The following CD27 variants were observed in gnomAD, a reference collection of about 807,000 sequenced individuals.
The protein encoded by CD27 is CD27 molecule.
CD27 carries 16 observed loss-of-function variants against 25.9 expected under a neutral mutation model. The ratio of observed to expected loss-of-function variants is 0.62; its 90% CI spans 0.42 to 0.94. The LOEUF is 0.94. CD27 is among the 40% of genes least tolerant of loss of function. The pLI is 0.00. For missense variants in CD27, 300 were observed against 333.2 expected, an observed-to-expected ratio of 0.90 and a Z score of 0.78; for synonymous variants, 142 against 124.3, an observed-to-expected ratio of 1.14 and a Z score of -0.95.
rs1949403569 is a variant in CD27, at chr12:6,445,566, C to CAAGGGTGTGTAGGTGGGGACGATGGA, written c.268+12_268+37dup. The CAAGGGTGTGTAGGTGGGGACGATGGA allele has an allele frequency of 6.2e-7, 1 of 1,612,266 alleles. No homozygotes were observed. The highest frequency in any genetic ancestry group is 1.3e-5 in the African/African-American group (1 of 74,904). On this transcript the variant is annotated intron_variant, in intron 2 of 5. Coordinates refer to ENST00000266557, the MANE Select transcript of CD27 (RefSeq NM_001242.5). The surrounding 1 kb of genome is among the most constrained non-coding windows in gnomAD (Gnocchi z 4.5). The stretch of plus-strand genomic sequence containing the variant: ...GGCACTGTAACTCTGGTGAGGTGGG[C>CAAGGGTGTGTAGGTGGGGACGATGGA]AAGGGTGTGTAGGTGGGGACGATGG...
rs1949548692 is a variant in CD27, at chr12:6,451,550, C to T, written c.*158C>T. The T allele has an allele frequency of 1.5e-5, 11 of 744,918 alleles. No individual in the cohort carries two copies. In the East Asian group the frequency reaches 2.8e-4, roughly 19 times the overall value. The allele number at this position is 744,918 out of a possible 1,614,324, so 46.1% of individuals were successfully genotyped here. ...TGACAGAGTGCCTTTTCGAGACTGG[C>T]AGGGACGAGGACAAATATGGATGAG... On this transcript the variant is annotated 3_prime_UTR_variant, in exon 6 of 6. Transcript: ENST00000266557.
intron 5 of CD27, 60 bp downstream of exon 5, chr12:6,451,074 C>T (rs2136970628): frequency 6.2e-7 from 1 of 1,608,254 alleles, no homozygotes; most frequent in Non-Finnish European, 8.5e-7. Context: ...CTGGCTCAAC[C>T]CCACTGCCCA....
In CD27 at chr12:6,450,762, GA is replaced by G. The variant is rs1949524230; in HGVS notation, c.539-132del. 3 of 1,427,136 alleles carry G rather than the reference GA, an allele frequency of 2.1e-6. No individual in the cohort carries two copies. The highest frequency in any genetic ancestry group is 2.9e-6 in the Non-Finnish European group (3 of 1,027,082). 88.4% of individuals were successfully genotyped at this position (1,427,136 alleles called of 1,614,324 possible). On this transcript the variant is annotated intron_variant, in intron 4 of 5. Coordinates refer to ENST00000266557, the MANE Select transcript of CD27 (RefSeq NM_001242.5). This position sits in a 1 kb window ranked among gnomAD's most constrained non-coding sequence, Gnocchi z 4.1. ...AAGCAGAGTCCACTGTTTAGGAGAG[GA>G]GTTGGCCAACGGTGGCGGGTGGGAT...
rs1592121797 is a variant in CD27 at position 6,450,077 on chromosome 12, T to C, written c.269-96T>C. 29 of 1,099,540 alleles carry C rather than the reference T, an allele frequency of 2.6e-5. No individual in the cohort carries two copies. In the East Asian group the frequency reaches 6.6e-4, roughly 25 times the overall value. 68.1% of individuals were successfully genotyped at this position (1,099,540 alleles called of 1,614,324 possible). ...GGAAAGGGAAGCACGTCCCTAGAGG[T>C]GGGCCTGGGATGGGGGTTGGGGGAT... On this transcript the variant is annotated intron_variant, in intron 2 of 5. Transcript: ENST00000266557. The surrounding 1 kb of genome is among the most constrained non-coding windows in gnomAD (Gnocchi z 4.1).
chr12:6,450,137 G>A lies in CD27; in HGVS notation c.269-36G>A, dbSNP rs779828669. 7.2e-5 allele frequency: 115 copies of A among 1,589,430 alleles called. No homozygotes were observed. The highest frequency in any genetic ancestry group is 9.2e-5 in the Non-Finnish European group (107 of 1,168,928). On this transcript the variant is annotated intron_variant, in intron 2 of 5. Coordinates refer to ENST00000266557, the MANE Select transcript of CD27 (RefSeq NM_001242.5). The surrounding 1 kb of genome is among the most constrained non-coding windows in gnomAD (Gnocchi z 4.1). The stretch of plus-strand genomic sequence containing the variant: ...GGACCTTGAAGGTCTCCACAGGTCT[G>A]AGTGTCCTATGCTCCCTGGGCCTCT...
At chr12:6,444,219 T>TG (rs774902462), upstream of CD27, among the ~76,000 whole-genome samples, 19 of 152,030 alleles carry the variant, frequency 1.2e-4, no homozygotes, top group Non-Finnish European at 2.2e-4. Context: ...CATCAGAGAC[T>TG]GACATGAGGA....
Position 6,444,962 on chromosome 12 carries a change from G to C in CD27, c.-134G>C, listed in dbSNP as rs1486751301. On this transcript the variant is annotated 5_prime_UTR_variant, in exon 1 of 6. Transcript: ENST00000266557. ...CCACAATAGAGATTCTGCCTTCAAA[G>C]GTTGGCTTGCCACCTGAAGCAGCCA... 2.1e-6 allele frequency: 2 copies of C among 946,934 alleles called. No homozygotes were observed. The highest frequency in any genetic ancestry group is 3.0e-6 in the Non-Finnish European group (2 of 661,452). The allele number at this position is 946,934 out of a possible 1,614,324, so 58.7% of individuals were successfully genotyped here.
chr12:6,451,131 G>A (rs1949535402), intron 5 of CD27, 117 bp downstream of exon 5: 1 of 1,546,544 alleles, frequency 6.5e-7, no homozygotes, highest in East Asian at 2.2e-5. Context: ...CACCAGCCTT[G>A]GTCCTACCCC....
chr12:6,447,454 G>C (rs566952030), intron 2 of CD27: 2 of 152,282 alleles, frequency 1.3e-5, no homozygotes, highest in South Asian at 4.2e-4. Context: ...GGGGTGAGAA[G>C]ATGGGTGGGC....
Position 6,450,695 on chromosome 12 carries a change from C to A in CD27, c.538+65C>A. The A allele has an allele frequency of 6.6e-7, 1 of 1,509,170 alleles. No homozygotes were observed. Among genetic ancestry groups the A allele is most frequent in the South Asian group, 1.1e-5 (1 of 88,530 alleles). The allele number at this position is 1,509,170 out of a possible 1,614,324, so 93.5% of individuals were successfully genotyped here. A position where few individuals can be genotyped will look rare whatever the true frequency, so the allele number is the denominator to read the frequency against. ...ATACACGAGGGGCCAGGAGGGAAGC[C>A]AGACAGAAAGCTCCTAGGATTAGGG... On this transcript the variant is annotated intron_variant, in intron 4 of 5. Coordinates refer to ENST00000266557, the MANE Select transcript of CD27 (RefSeq NM_001242.5). This position sits in a 1 kb window ranked among gnomAD's most constrained non-coding sequence, Gnocchi z 4.1.
Position 6,451,289 on chromosome 12 carries a change from A to G in CD27, c.680A>G (p.Glu227Gly). The stretch of plus-strand genomic sequence containing the variant: ...GCAGACAAAGGAGAAAGTCCTGTGG[A>G]GCCTGCAGAGCCTTGTCATTACAGC... ...YRSNKGESPV[E>G]PAEPCHYSCP... Residue 227 changes from glutamate (E) to glycine (G), a missense_variant, in exon 6 of 6, where the codon GAG (glutamate) becomes GGG (glycine). Transcript: ENST00000266557. 6.2e-7 allele frequency: 1 copy of G among 1,613,924 alleles called. No individual in the cohort carries two copies. The highest frequency in any genetic ancestry group is 8.5e-7 in the Non-Finnish European group (1 of 1,179,906).
Position 6,450,785 on chromosome 12 carries a change from G to T in CD27, c.539-110G>T. 6.6e-7 allele frequency: 1 copy of T among 1,515,854 alleles called. No homozygotes were observed. 93.9% of individuals were successfully genotyped at this position (1,515,854 alleles called of 1,614,324 possible). A position where few individuals can be genotyped will look rare whatever the true frequency, so the allele number is the denominator to read the frequency against. ...AGGAGTTGGCCAACGGTGGCGGGTG[G>T]GATAGAATAAGGTGGGGGAAAGGGG... On this transcript the variant is annotated intron_variant, in intron 4 of 5. Coordinates refer to ENST00000266557, the MANE Select transcript of CD27 (RefSeq NM_001242.5). This position sits in a 1 kb window ranked among gnomAD's most constrained non-coding sequence, Gnocchi z 4.1.
chr12:6,450,214 T>A lies in CD27; in HGVS notation c.310T>A (p.Cys104Ser). 6.2e-7 allele frequency: 1 copy of A among 1,613,642 alleles called. No individual in the cohort carries two copies. The highest frequency in any genetic ancestry group is 8.5e-7 in the Non-Finnish European group (1 of 1,179,986). ...CTGCACCATCACTGCCAATGCTGAG[T>A]GTGCCTGTCGCAATGGCTGGCAGTG... ...RNCTITANAECACRNGWQCRD... is the reference protein window; with the variant it reads ...RNCTITANAESACRNGWQCRD... The change falls in exon 3 of 6, where the codon TGT (cysteine) becomes AGT (serine). Residue 104 changes from cysteine to serine, a missense_variant. Physicochemically the swap from Cys to Ser is moderately radical, Grantham distance 112. Coordinates refer to ENST00000266557, the MANE Select transcript of CD27 (RefSeq NM_001242.5). The surrounding 1 kb of genome is among the most constrained non-coding windows in gnomAD (Gnocchi z 4.1).
chr12:6,451,080 G>T, intron 5 of CD27, 66 bp downstream of exon 5: 3 of 1,605,260 alleles, frequency 1.9e-6, no homozygotes, highest in South Asian at 2.2e-5. Context: ...CAACCCCACT[G>T]CCCACGCCTG....
chr12:6,450,609 ACTCT>A lies in CD27; in HGVS notation c.522_525del (p.Ser175ProfsTer19). The A allele has an allele frequency of 1.2e-6, 2 of 1,612,296 alleles. No homozygotes were observed. The highest frequency in any genetic ancestry group is 2.2e-5 in the South Asian group (2 of 91,062). On this transcript the variant is annotated frameshift_variant, in exon 4 of 6. Transcript: ENST00000266557. LOFTEE classifies it high-confidence loss of function. This position sits in a 1 kb window ranked among gnomAD's most constrained non-coding sequence, Gnocchi z 4.1. Reference sequence around the variant, plus strand: ...TGACTTCAGGCAGCTGCCTGCCCGGACTCTCTCTACCCACTGGCCACGTGAGTTT... The same window carrying A: ...TGACTTCAGGCAGCTGCCTGCCCGGACTCTACCCACTGGCCACGTGAGTTT...
At chr12:6,444,011 TAA>T (rs1158635726), upstream of CD27, among the ~76,000 whole-genome samples, 1 of 151,528 alleles carries the variant, frequency 6.6e-6, no homozygotes, top group Non-Finnish European at 1.5e-5. Context: ...ACTGGGAAAA[TAA>T]AAAAGAGATG....
At chr12:6,446,789 C>G (rs1299587962) in intron 2 of CD27, among the ~76,000 whole-genome samples, 2 of 151,004 alleles carry the variant, frequency 1.3e-5, no homozygotes, top group African/African-American at 4.9e-5. Context: ...CACACACACA[C>G]ACACACACAC....
chr12:6,448,578 A>T (rs1205086507), intron 2 of CD27: 1 of 152,332 alleles, frequency 6.6e-6, no homozygotes, highest in African/African-American at 2.4e-5. Flanking sequence ...ATCCTGGCTA[A>T]CACGGTGAAA....
intron 5 of CD27, 116 bp from the exon 6 acceptor site, chr12:6,451,152 T>G (rs1949536394): frequency 2.6e-6 from 4 of 1,525,392 alleles, no homozygotes; most frequent in Admixed American, 1.8e-5. Flanking sequence ...TTCTCTCCCC[T>G]TAGCTGGCGT....
Sources: gnomAD v4.1 joint callset for allele counts (sites outside exome capture counted in the v4.1 genomes callset) on GRCh38, gnomAD v4.1.1 for gene constraint, Gnocchi (gnomAD v3.1) non-coding constraint, MANE v1.5 for transcripts, NCBI Gene and HGNC (gene_info 2026-07-23, HGNC 2026-07-21) for gene names.